Variants in PCDH9 observed in about 807,000 individuals in gnomAD.
PCDH9 encodes the protein protocadherin-9.
Under a neutral mutation model 70.6 loss-of-function variants are expected in PCDH9, and 24 were observed. That is an observed-to-expected ratio of 0.34 (90% CI 0.25 to 0.48). The LOEUF (loss-of-function observed/expected upper bound fraction) is 0.48, where lower values mean the gene tolerates loss of function less well. Ranked by LOEUF, PCDH9 falls within the 20% of genes least tolerant of loss-of-function variation. PCDH9 has a pLI of 0.99. For missense variants in PCDH9, 1,281 were observed against 1,503.6 expected (o/e 0.85, Z 2.45); for synonymous variants, 562 against 558.5 (o/e 1.01, Z -0.09).
intron 3 of PCDH9, among the ~76,000 whole-genome samples, chr13:66,660,302 CCT>C (rs1491176270): frequency 6.6e-6 from 1 of 152,052 alleles, no homozygotes; most frequent in Non-Finnish European, 1.5e-5. Flanking sequence ...TATTTCTTTG[CCT>C]TTTTTTTTAC....
chr13:66,971,553 G>A (rs2083523066), intron 2 of PCDH9, among the ~76,000 whole-genome samples: 3 of 151,908 alleles, frequency 2.0e-5, no homozygotes, highest in African/African-American at 7.3e-5. Context: ...ATTCTCCCAA[G>A]GCCATTACTG....
At chr13:66,335,774 AT>A (rs1328448243) in intron 4 of PCDH9, among the ~76,000 whole-genome samples, 1 of 151,994 alleles carries the variant, frequency 6.6e-6, no homozygotes, top group Non-Finnish European at 1.5e-5. Context: ...TTATTTAATG[AT>A]TTTTAACAAT....
At chr13:67,213,722 G>C (rs577921394) in intron 2 of PCDH9, 1 of 152,180 alleles carries the variant, frequency 6.6e-6, no homozygotes, top group South Asian at 2.1e-4. Context: ...CAAAGAATGA[G>C]TATTTTAATT....
intron 3 of PCDH9, among the ~76,000 whole-genome samples, chr13:66,761,753 C>T (rs776065792): frequency 4.0e-5 from 6 of 151,764 alleles, no homozygotes; most frequent in Non-Finnish European, 5.9e-5. Flanking sequence ...ATTTCTAGTT[C>T]GGATAACATT....
At chr13:66,729,519 G>A (rs1329677440) in intron 3 of PCDH9, among the ~76,000 whole-genome samples, 5 of 152,050 alleles carry the variant, frequency 3.3e-5, no homozygotes, top group Non-Finnish European at 5.9e-5. Flanking sequence ...GCTTCAGTAG[G>A]AAGTCCAAAC....
intron 2 of PCDH9, among the ~76,000 whole-genome samples, chr13:67,110,207 A>AC (rs1189365259): frequency 6.6e-6 from 1 of 151,994 alleles, no homozygotes; most frequent in Non-Finnish European, 1.5e-5. Flanking sequence ...AAAATTTAAA[A>AC]AAAAAACAAA....
At chr13:67,171,728 G>A (rs2088290947) in intron 2 of PCDH9, among the ~76,000 whole-genome samples, 1 of 152,156 alleles carries the variant, frequency 6.6e-6, no homozygotes, top group Non-Finnish European at 1.5e-5. Context: ...TGACCTTGGA[G>A]ACCTGTTTGA....
intron 2 of PCDH9, among the ~76,000 whole-genome samples, chr13:67,090,767 A>C (rs1382928407): frequency 6.6e-6 from 1 of 152,086 alleles, no homozygotes; most frequent in Non-Finnish European, 1.5e-5. Context: ...AAAGGCTTGA[A>C]TCAACCACAT....
chr13:67,197,865 A>G (rs2089111760), intron 2 of PCDH9, among the ~76,000 whole-genome samples: 2 of 152,020 alleles, frequency 1.3e-5, no homozygotes, highest in Admixed American at 1.3e-4. Flanking sequence ...TGTATCAATT[A>G]ATATTGATGA....
chr13:66,728,931 A>C (rs190909415), intron 3 of PCDH9, among the ~76,000 whole-genome samples: 4 of 151,892 alleles, frequency 2.6e-5, no homozygotes, highest in Non-Finnish European at 5.9e-5. Context: ...ATTCTTTCAC[A>C]TAGTTTCTGT....
chr13:66,421,759 G>A (rs1219768168), intron 4 of PCDH9, among the ~76,000 whole-genome samples: 1 of 152,044 alleles, frequency 6.6e-6, no homozygotes, highest in Non-Finnish European at 1.5e-5. Flanking sequence ...ACCAACTGGG[G>A]GGAAAATAAC....
chr13:66,573,025 G>A (rs1165616808), intron 4 of PCDH9, among the ~76,000 whole-genome samples: 2 of 152,050 alleles, frequency 1.3e-5, no homozygotes, highest in Admixed American at 6.6e-5. Flanking sequence ...TTTCCATAAT[G>A]GCTGTACTAA....
chr13:66,348,675 A>ATT (rs59340641), intron 4 of PCDH9, among the ~76,000 whole-genome samples: 4,862 of 135,904 alleles, frequency 0.036, 175 homozygotes, highest in East Asian at 0.063. Context: ...GCTATTTGCC[A>ATT]TTTTTTTTTT....
chr13:66,842,444 C>T (rs983380123), intron 3 of PCDH9, among the ~76,000 whole-genome samples: 1 of 152,120 alleles, frequency 6.6e-6, no homozygotes, highest in South Asian at 2.1e-4. Flanking sequence ...TCCTCTCTCG[C>T]CCTTTTCCTT....
At position 67,165,458 on chromosome 13, in the gene PCDH9, G is replaced by A. The variant is rs531643935; in HGVS notation, c.3036+59947C>T. ...ATGGGTGCATAATGTACTATTCTGC[G>A]ATTAAAATATTCCAATACTTACCTC... On this transcript the variant is annotated intron_variant, in intron 2 of 4. Transcript: ENST00000377865. 2.6e-5 allele frequency among the ~76,000 whole-genome samples: 4 copies of A among 152,062 alleles called. No homozygotes were observed. The South Asian group carries it at 6.2e-4, about 24-fold the overall frequency.
chr13:66,593,182 C>T (rs767294970), intron 4 of PCDH9, among the ~76,000 whole-genome samples: 3 of 151,626 alleles, frequency 2.0e-5, no homozygotes, highest in South Asian at 2.1e-4. Flanking sequence ...AGTGCTTATA[C>T]GCATCCAATG....
intron 2 of PCDH9, among the ~76,000 whole-genome samples, chr13:67,101,400 A>G (rs569688582): frequency 7.1e-4 from 108 of 152,340 alleles, no homozygotes; most frequent in Non-Finnish European, 1.3e-3. Flanking sequence ...CTGAGATCCA[A>G]TGTAATAGGG....
intron 3 of PCDH9, among the ~76,000 whole-genome samples, chr13:66,807,637 CTAAA>C (rs1203274795): frequency 1.3e-5 from 2 of 151,432 alleles, no homozygotes; most frequent in African/African-American, 2.4e-5. Context: ...ATAAAAAACA[CTAAA>C]TAAGTATTTG....
intron 3 of PCDH9, among the ~76,000 whole-genome samples, chr13:66,667,661 A>G (rs778556979): frequency 1.3e-5 from 2 of 152,154 alleles, no homozygotes; most frequent in Non-Finnish European, 2.9e-5. Flanking sequence ...AAATTGGCAT[A>G]TTTGAACTTG....
Sources: allele counts gnomAD v4.1 joint callset (sites outside exome capture counted in the v4.1 genomes callset), GRCh38; gene constraint gnomAD v4.1.1; transcripts MANE v1.5; gene names NCBI Gene and HGNC (gene_info 2026-07-23, HGNC 2026-07-21).